Variants in DMBT1 observed in about 807,000 individuals in gnomAD.
DMBT1 encodes deleted in malignant brain tumors 1, also known as scavenger receptor cysteine-rich domain-containing protein DMBT1.
In DMBT1, 198 loss-of-function variants were observed where a neutral mutation model predicts 252.9. The observed-to-expected ratio is 0.78, with a 90% CI of 0.70 to 0.88. The LOEUF (loss-of-function observed/expected upper bound fraction) is 0.88, where lower values mean the gene tolerates loss of function less well. DMBT1 is among the 40% of genes least tolerant of loss of function. The pLI is 0.00. For missense variants in DMBT1, 2,432 were observed against 2,404.7 expected (o/e 1.01, Z -0.24); for synonymous variants, 990 against 942.7 (o/e 1.05, Z -0.92).
Position 122,589,214 on chromosome 10 carries a change from G to C in DMBT1, c.2054G>C (p.Gly685Ala), listed in dbSNP as rs761768803. Reference sequence around the variant, plus strand: ...TACCTGTGGAGCTGCCCCAACAATGGCTGGCTCTCCCACAACTGTGGCCAT... The same window carrying C: ...TACCTGTGGAGCTGCCCCAACAATGCCTGGCTCTCCCACAACTGTGGCCAT... ...ESYLWSCPNN[G>A]WLSHNCGHHE... Residue 685 changes from glycine to alanine, a missense_variant, in exon 17 of 56, where the codon GGC (glycine) becomes GCC (alanine). By Grantham distance (60) the Gly-to-Ala change is moderately conservative. Coordinates refer to ENST00000338354, the MANE Select transcript of DMBT1 (RefSeq NM_001377530.1). 5 of 1,588,496 alleles carry C rather than the reference G, an allele frequency of 3.1e-6. No homozygotes were observed. In the South Asian group the frequency reaches 5.8e-5, roughly 18 times the overall value.
chr10:122,640,994 G>C (rs995652751), intron 55 of DMBT1, among the ~76,000 whole-genome samples: 3 of 152,198 alleles, frequency 2.0e-5, no homozygotes, highest in East Asian at 1.9e-4. Context: ...GGATGAGAGA[G>C]AGTGGATGTG....
intron 7 of DMBT1, among the ~76,000 whole-genome samples, 164 bp downstream of exon 7, chr10:122,576,886 C>T (rs1016451038): frequency 2.0e-5 from 3 of 152,174 alleles, no homozygotes; most frequent in Non-Finnish European, 2.9e-5. Context: ...ATCACTTGGG[C>T]CCATTCTGGG....
chr10:122,617,208 T>G lies in DMBT1; in HGVS notation c.4859-20T>G, dbSNP rs771964370. On this transcript the variant is annotated intron_variant, in intron 39 of 55. Transcript: ENST00000338354. The stretch of plus-strand genomic sequence containing the variant: ...CCCTTCAAGTCTAATTCTGTCTTTT[T>G]TCTTTGTTGCTATTTACAGACACTT... 5.6e-6 allele frequency: 9 copies of G among 1,608,120 alleles called. No individual in the cohort carries two copies. Among genetic ancestry groups the G allele is most frequent in the South Asian group, 5.5e-5 (5 of 90,866 alleles).
chr10:122,643,580 C>G lies in DMBT1; in HGVS notation c.*182C>G. 2.3e-6 allele frequency: 2 copies of G among 877,458 alleles called. No homozygotes were observed. The highest frequency in any genetic ancestry group is 3.4e-6 in the Non-Finnish European group (2 of 590,654). The allele number at this position is 877,458 out of a possible 1,614,324, so 54.4% of individuals were successfully genotyped here. ...CCAAGGCTCATGGTCCTTGGAGGAC[C>G]CGTTGCAGGGTGAGGTCAAGAGAGT... On this transcript the variant is annotated 3_prime_UTR_variant, in exon 56 of 56. Coordinates refer to ENST00000338354, the MANE Select transcript of DMBT1 (RefSeq NM_001377530.1).
At chr10:122,591,672 C>T (rs1165804338) in intron 19 of DMBT1, among the ~76,000 whole-genome samples, 155 bp downstream of exon 19, 2 of 148,346 alleles carry the variant, frequency 1.3e-5, no homozygotes, top group African/African-American at 4.9e-5. Flanking sequence ...GGGAACCAGT[C>T]CCGGGTCGGG....
intron 52 of DMBT1, among the ~76,000 whole-genome samples, chr10:122,634,352 C>CTTTCTTTCTTTT (rs2098193109): frequency 4.4e-5 from 4 of 90,632 alleles, no homozygotes; most frequent in Non-Finnish European, 4.6e-5. Context: ...TTCTTTCTTT[C>CTTTCTTTCTTTT]TTTCTTTCTT....
At chr10:122,633,151 C>T in intron 51 of DMBT1, 40 bp from the exon 52 acceptor site, 1 of 1,610,724 alleles carries the variant, frequency 6.2e-7, no homozygotes, top group Non-Finnish European at 8.5e-7. Flanking sequence ...GTGCAGTGTG[C>T]TCTGGGGGTC....
chr10:122,642,026 C>T (rs1347567060), intron 55 of DMBT1, among the ~76,000 whole-genome samples: 8 of 152,108 alleles, frequency 5.3e-5, no homozygotes, highest in Admixed American at 5.2e-4. Flanking sequence ...TTCTGGTCTG[C>T]GTGGAGCCCT....
chr10:122,592,434 C>T lies in DMBT1; in HGVS notation c.2339C>T (p.Thr780Met), dbSNP rs199704744. The T allele has an allele frequency of 1.9e-4, 303 of 1,588,284 alleles. 25 individuals carry two copies. Among genetic ancestry groups the T allele is most frequent in the South Asian group, 4.5e-4 (39 of 86,910 alleles). The change falls in exon 20 of 56, where the codon ACG becomes ATG. Residue 780 changes from threonine (T) to methionine (M), a missense_variant. Thr to Met is a moderately conservative substitution (Grantham distance 81). Transcript: ENST00000338354. ...AGGCAGCTGGGCTGTGGCTGGGCCA[C>T]GTCGGCCCCAGGAAATGCCCGGTTT... is the stretch of plus-strand genomic sequence containing the variant. ...VCRQLGCGWA[T>M]SAPGNARFGQ...
intron 15 of DMBT1, among the ~76,000 whole-genome samples, 198 bp downstream of exon 15, chr10:122,585,507 C>T (rs1382760814): frequency 6.8e-6 from 1 of 147,970 alleles, no homozygotes; most frequent in Admixed American, 6.7e-5. Flanking sequence ...GGTGACTTTT[C>T]TCCCGTGGAA....
chr10:122,638,906 G>A (rs1245810484), intron 54 of DMBT1, among the ~76,000 whole-genome samples: 1 of 152,240 alleles, frequency 6.6e-6, no homozygotes, highest in Non-Finnish European at 1.5e-5. Context: ...ACTGAACTAA[G>A]TGTGCTATAT....
Position 122,630,099 on chromosome 10 carries a change from G to T in DMBT1, c.5822+106G>T, listed in dbSNP as rs571031387. The T allele has an allele frequency of 6.5e-5, 98 of 1,511,690 alleles. 1 individual carries two copies. The South Asian group carries it at 9.8e-4, about 15-fold the overall frequency. 93.6% of individuals were successfully genotyped at this position (1,511,690 alleles called of 1,614,324 possible). On this transcript the variant is annotated intron_variant, in intron 47 of 55. Coordinates refer to ENST00000338354, the MANE Select transcript of DMBT1 (RefSeq NM_001377530.1). ...ATGCTTTTCACTCTCATGTGCCATG[G>T]ACAAGCTTTTGGTGGCTTTGATTCC...
intron 2 of DMBT1, among the ~76,000 whole-genome samples, chr10:122,566,584 A>G (rs1332638165): frequency 6.6e-6 from 1 of 152,192 alleles, no homozygotes; most frequent in African/African-American, 2.4e-5. Flanking sequence ...TGCTGGGGTT[A>G]CAGGCATGAG....
intron 46 of DMBT1, among the ~76,000 whole-genome samples, chr10:122,628,651 G>T (rs986015255): frequency 6.6e-6 from 1 of 151,454 alleles, no homozygotes; most frequent in South Asian, 2.1e-4. Flanking sequence ...CAAAACAAAA[G>T]AAAAAAAAGA....
At chr10:122,626,597 A>G (rs2098120792) in intron 46 of DMBT1, among the ~76,000 whole-genome samples, 1 of 152,228 alleles carries the variant, frequency 6.6e-6, no homozygotes, top group African/African-American at 2.4e-5. Context: ...CATGCATATT[A>G]ACTTTTACTG....
chr10:122,573,931 C>T (rs1443175063), intron 6 of DMBT1, among the ~76,000 whole-genome samples, 169 bp downstream of exon 6: 1 of 152,150 alleles, frequency 6.6e-6, no homozygotes, highest in Non-Finnish European at 1.5e-5. Flanking sequence ...TTGCATCGAT[C>T]ATGTCTGAGA....
intron 27 of DMBT1, among the ~76,000 whole-genome samples, chr10:122,600,545 G>T (rs896385539): frequency 1.3e-5 from 2 of 152,192 alleles, no homozygotes; most frequent in Non-Finnish European, 2.9e-5. Flanking sequence ...TCCAGAAAAG[G>T]CAGAGTTTGT....
chr10:122,631,761 G>A lies in DMBT1; in HGVS notation c.6347-94G>A, dbSNP rs554416068. ...GGGGACCCTCGCCGAGGGGGGTCAG[G>A]TTATGGGCCATGTAAGTGTATCTCT... is the stretch of plus-strand genomic sequence containing the variant. On this transcript the variant is annotated intron_variant, in intron 49 of 55. Coordinates refer to ENST00000338354, the MANE Select transcript of DMBT1 (RefSeq NM_001377530.1). The A allele has an allele frequency of 6.2e-5, 90 of 1,444,290 alleles. No individual in the cohort carries two copies. The African/African-American group carries it at 1.1e-3, about 17-fold the overall frequency. The allele number at this position is 1,444,290 out of a possible 1,614,324, so 89.5% of individuals were successfully genotyped here.
intron 1 of DMBT1, among the ~76,000 whole-genome samples, chr10:122,565,207 C>A (rs1003343761): frequency 3.9e-5 from 6 of 152,076 alleles, no homozygotes; most frequent in Admixed American, 3.3e-4. Context: ...TAGTGAAATG[C>A]TTCAAGACAT....
Sources: allele counts gnomAD v4.1 joint callset (sites outside exome capture counted in the v4.1 genomes callset), GRCh38; gene constraint gnomAD v4.1.1; transcripts MANE v1.5; gene names NCBI Gene and HGNC (gene_info 2026-07-23, HGNC 2026-07-21).